CRIM1: variants seen among roughly 807,000 people sequenced by gnomAD.
CRIM1 encodes cysteine-rich motor neuron 1 protein.
CRIM1 carries 32 observed loss-of-function variants against 116.4 expected under a neutral mutation model. The ratio of observed to expected loss-of-function variants is 0.27; its 90% CI spans 0.21 to 0.37. CRIM1 has a LOEUF of 0.37. CRIM1 is among the 10% of genes least tolerant of loss of function. The pLI is 1.00. For missense variants in CRIM1, 1,331 were observed against 1,354.8 expected, an observed-to-expected ratio of 0.98 and a Z score of 0.28; for synonymous variants, 590 against 509.2, an observed-to-expected ratio of 1.16 and a Z score of -2.13.
At chr2:36,424,113 C>T (rs1004090069) in intron 2 of CRIM1, among the ~76,000 whole-genome samples, 17 of 152,192 alleles carry the variant, frequency 1.1e-4, no homozygotes, top group Admixed American at 9.2e-4. Context: ...ATGTATGAAA[C>T]TCAGGCCCAG....
intron 1 of CRIM1, among the ~76,000 whole-genome samples, chr2:36,365,594 GCA>G (rs1669535637): frequency 6.6e-6 from 1 of 152,228 alleles, no homozygotes; most frequent in Non-Finnish European, 1.5e-5. Context: ...CCATGGGTTT[GCA>G]CTGTCTCTAG....
At chr2:36,514,691 C>G (rs1664920585) in intron 11 of CRIM1, among the ~76,000 whole-genome samples, 1 of 151,828 alleles carries the variant, frequency 6.6e-6, no homozygotes, top group African/African-American at 2.4e-5. Flanking sequence ...CTGTATCTCC[C>G]TGTGCGTGAG....
intron 4 of CRIM1, among the ~76,000 whole-genome samples, chr2:36,459,113 C>T (rs1031165224): frequency 2.6e-5 from 4 of 151,912 alleles, no homozygotes; most frequent in Admixed American, 6.5e-5. Context: ...GTGGAAAGTA[C>T]AAATTAAACT....
At chr2:36,378,244 A>G (rs2148326973) in intron 1 of CRIM1, 1 of 464,952 alleles carries the variant, frequency 2.2e-6, no homozygotes, top group Non-Finnish European at 4.5e-6. Flanking sequence ...TAAATCAATG[A>G]GTAATTGATG....
At chr2:36,462,878 A>G (rs1045376664) in intron 4 of CRIM1, among the ~76,000 whole-genome samples, 2 of 152,242 alleles carry the variant, frequency 1.3e-5, no homozygotes, top group African/African-American at 2.4e-5. Context: ...TATAAGCGTG[A>G]CAAAGTATGG....
intron 2 of CRIM1, among the ~76,000 whole-genome samples, chr2:36,437,627 A>G (rs76095832): frequency 0.028 from 4,287 of 152,302 alleles, 188 homozygotes; most frequent in African/African-American, 0.096. Flanking sequence ...AAAGCATTTA[A>G]TAAGATTTAA....
At chr2:36,536,018 G>A (rs1666525113) in intron 13 of CRIM1, among the ~76,000 whole-genome samples, 1 of 152,130 alleles carries the variant, frequency 6.6e-6, no homozygotes, top group South Asian at 2.1e-4. Context: ...GTCTCCCAAG[G>A]GACAATTGTA....
intron 11 of CRIM1, among the ~76,000 whole-genome samples, chr2:36,514,665 C>T (rs568552557): frequency 1.3e-5 from 2 of 152,318 alleles, no homozygotes; most frequent in Non-Finnish European, 2.9e-5. Context: ...TGTTTTTCCT[C>T]TGGTCAGTCC....
intron 2 of CRIM1, among the ~76,000 whole-genome samples, chr2:36,404,164 G>T (rs997466702): frequency 2.0e-5 from 3 of 152,118 alleles, no homozygotes; most frequent in Non-Finnish European, 4.4e-5. Flanking sequence ...AAAATCCAAG[G>T]GTTGCTACTG....
intron 15 of CRIM1, among the ~76,000 whole-genome samples, chr2:36,544,916 T>G (rs1233844250): frequency 6.6e-6 from 1 of 152,200 alleles, no homozygotes; most frequent in East Asian, 1.9e-4. Context: ...TACCCTCTAC[T>G]TCTGGGCAGT....
chr2:36,454,899 G>A (rs139232835), intron 4 of CRIM1, among the ~76,000 whole-genome samples: 30 of 152,258 alleles, frequency 2.0e-4, no homozygotes, highest in African/African-American at 6.5e-4. Flanking sequence ...TTGGGTTTGG[G>A]AGACAGATAC....
chr2:36,493,475 AAC>A (rs1680373685), intron 7 of CRIM1, among the ~76,000 whole-genome samples: 1 of 152,172 alleles, frequency 6.6e-6, no homozygotes, highest in Admixed American at 6.5e-5. Context: ...AGAATCTGGA[AAC>A]AGAGTTAATT....
At chr2:36,437,297 C>A (rs1050285299) in intron 2 of CRIM1, among the ~76,000 whole-genome samples, 4 of 151,912 alleles carry the variant, frequency 2.6e-5, no homozygotes, top group Non-Finnish European at 5.9e-5. Flanking sequence ...ATGGCGTGAA[C>A]CGGGGAGGCA....
chr2:36,362,840 C>T (rs1451653013), intron 1 of CRIM1, among the ~76,000 whole-genome samples: 1 of 152,176 alleles, frequency 6.6e-6, no homozygotes, highest in Non-Finnish European at 1.5e-5. Flanking sequence ...CCTTACCTCC[C>T]TCCTCCAGTC....
At chr2:36,466,016 G>C (rs1247072525) in intron 5 of CRIM1, among the ~76,000 whole-genome samples, 5 of 151,080 alleles carry the variant, frequency 3.3e-5, no homozygotes, top group Non-Finnish European at 1.5e-5. Context: ...CTCCCAAGTA[G>C]CTGGGACTAC....
At chr2:36,512,199 C>T in intron 9 of CRIM1, 74 bp from the exon 10 acceptor site, 2 of 1,544,818 alleles carry the variant, frequency 1.3e-6, no homozygotes, top group South Asian at 2.3e-5. Context: ...CTTTATTGAC[C>T]CTTGGTCTGA....
intron 5 of CRIM1, among the ~76,000 whole-genome samples, chr2:36,475,350 A>G (rs946266521): frequency 1.3e-5 from 2 of 152,122 alleles, no homozygotes; most frequent in African/African-American, 4.8e-5. Context: ...TTTTGATGCT[A>G]TTGTGATTGG....
chr2:36,534,240 A>G, intron 13 of CRIM1, among the ~76,000 whole-genome samples: 3 of 109,218 alleles, frequency 2.7e-5, no homozygotes, highest in African/African-American at 1.1e-4. Context: ...AGGGTGGGGA[A>G]GGAGGGAGGG....
chr2:36,417,717 T>A (rs1673728492), intron 2 of CRIM1, among the ~76,000 whole-genome samples: 1 of 152,190 alleles, frequency 6.6e-6, no homozygotes, highest in Non-Finnish European at 1.5e-5. Flanking sequence ...GAGTGATAAA[T>A]AAGGTACGGC....
Sources: allele counts gnomAD v4.1 joint callset (sites outside exome capture counted in the v4.1 genomes callset), GRCh38; gene constraint gnomAD v4.1.1; transcripts MANE v1.5; gene names NCBI Gene and HGNC (gene_info 2026-07-23, HGNC 2026-07-21).